Variants in PCDHA7 observed in about 807,000 individuals in gnomAD.
PCDHA7 encodes the protein protocadherin alpha 7.
A neutral mutation model predicts 57.2 loss-of-function variants in PCDHA7; 37 were observed. The ratio of observed to expected loss-of-function variants is 0.65; its 90% CI spans 0.50 to 0.85. The LOEUF is 0.85. Ranked by LOEUF, PCDHA7 falls within the 40% of genes least tolerant of loss-of-function variation. The pLI is 0.00. For missense variants in PCDHA7, 1,188 were observed against 1,241.8 expected (o/e 0.96, Z 0.65); for synonymous variants, 553 against 558.8 (o/e 0.99, Z 0.15).
At position 140,982,508 on chromosome 5, in the gene PCDHA7, G is replaced by A. The variant is rs1586930589; in HGVS notation, c.2448G>A (p.Arg816=). The change falls in exon 3 of 4, where the codon CGG becomes CGA. Residue 816 remains arginine, a synonymous_variant. Transcript: ENST00000525929. The part of the protein sequence containing the change: ...SVHLEEAGIL[R]AGPGGPDQQW... The stretch of plus-strand genomic sequence containing the variant: ...ACCTAGAGGAGGCTGGCATTCTACG[G>A]GCTGGTCCAGGAGGGCCTGATCAGC... The A allele has an allele frequency of 6.2e-7, 1 of 1,614,154 alleles. No individual in the cohort carries two copies. Among genetic ancestry groups the A allele is most frequent in the Non-Finnish European group, 8.5e-7 (1 of 1,180,018 alleles).
chr5:140,903,275 T>G (rs1313552617), intron 1 of PCDHA7, among the ~76,000 whole-genome samples: 1 of 152,210 alleles, frequency 6.6e-6, no homozygotes, highest in East Asian at 1.9e-4. Context: ...TGAGGTAGTG[T>G]CTCATTGTGC....
chr5:140,936,303 T>C (rs1223461427), intron 1 of PCDHA7, among the ~76,000 whole-genome samples: 3 of 152,236 alleles, frequency 2.0e-5, no homozygotes, highest in South Asian at 2.1e-4. Flanking sequence ...TGCTATCCAA[T>C]AGAACTTTCT....
chr5:140,848,597 C>G lies in PCDHA7; in HGVS notation c.2355+11859C>G, dbSNP rs151001396. 6,374 of 1,580,604 alleles carry G rather than the reference C, an allele frequency of 4.0e-3. 857 individuals carry two copies. Among genetic ancestry groups the G allele is most frequent in the South Asian group, 0.012 (1,061 of 88,252 alleles). On this transcript the variant is annotated intron_variant, in intron 1 of 3. Transcript: ENST00000525929. ...TGGGGAGCGGCCAGCTCCACTACTC[C>G]GTCCCGGAGGAAGCCGAACACGGCA...
chr5:140,952,743 C>T lies in PCDHA7; in HGVS notation c.2356-26206C>T, dbSNP rs146786879. Reference sequence around the variant, plus strand: ...TCTGTACTAGTCTTTTCTCACACTGCTATAAAAACACCTGAGACTGGATAA... The same window carrying T: ...TCTGTACTAGTCTTTTCTCACACTGTTATAAAAACACCTGAGACTGGATAA... On this transcript the variant is annotated intron_variant, in intron 1 of 3. Coordinates refer to ENST00000525929, the MANE Select transcript of PCDHA7 (RefSeq NM_018910.3). 8.6e-3 allele frequency among the ~76,000 whole-genome samples: 1,316 copies of T among 152,264 alleles called. 10 individuals are homozygous for T. Among genetic ancestry groups the T allele is most frequent in the Middle Eastern group, 0.014 (4 of 294 alleles).
rs145968482 is a variant in PCDHA7, at chr5:140,977,336, C to G, written c.2356-1613C>G. Among the ~76,000 whole-genome samples, 133 of 152,262 alleles carry G rather than the reference C, an allele frequency of 8.7e-4. 2 individuals carry two copies. The highest frequency in any genetic ancestry group is 3.9e-4 in the East Asian group (2 of 5,188). On this transcript the variant is annotated intron_variant, in intron 1 of 3. Coordinates refer to ENST00000525929, the MANE Select transcript of PCDHA7 (RefSeq NM_018910.3). Reference sequence around the variant, plus strand: ...GTGCTCCTGATGGCGAGGGGAGAGACGGTGATGATGACTGATTGATAAAAA... The same window carrying G: ...GTGCTCCTGATGGCGAGGGGAGAGAGGGTGATGATGACTGATTGATAAAAA...
chr5:140,873,292 T>C (rs1399834963), intron 1 of PCDHA7, among the ~76,000 whole-genome samples: 1 of 152,210 alleles, frequency 6.6e-6, no homozygotes, highest in Admixed American at 6.5e-5. Context: ...TATGAAACTT[T>C]ATAAATATAA....
intron 1 of PCDHA7, among the ~76,000 whole-genome samples, chr5:140,923,177 A>G (rs1325033307): frequency 2.0e-5 from 3 of 152,174 alleles, no homozygotes; most frequent in African/African-American, 7.2e-5. Context: ...TTTTGTTCAG[A>G]TGCATCTACT....
chr5:140,884,450 AC>A, intron 1 of PCDHA7: 1 of 1,613,762 alleles, frequency 6.2e-7, no homozygotes, highest in Non-Finnish European at 8.5e-7. Context: ...GGCACCGCCC[AC>A]CGAGGGCGCG....
chr5:140,900,143 G>C (rs1198470231), intron 1 of PCDHA7, among the ~76,000 whole-genome samples: 2 of 152,156 alleles, frequency 1.3e-5, no homozygotes, highest in African/African-American at 2.4e-5. Flanking sequence ...AAATAAGTAA[G>C]AACATACGAT....
chr5:140,856,399 T>G (rs782023286), intron 1 of PCDHA7: 1 of 1,598,492 alleles, frequency 6.3e-7, no homozygotes, highest in Non-Finnish European at 8.6e-7. Flanking sequence ...AGGTTTTCCA[T>G]GTGGACGTGG....
At chr5:140,993,031 C>T (rs186292405) in intron 3 of PCDHA7, among the ~76,000 whole-genome samples, 19 of 152,274 alleles carry the variant, frequency 1.2e-4, no homozygotes, top group Non-Finnish European at 1.8e-4. Context: ...CTGTGGGCTC[C>T]GTGTGTCATC....
At chr5:140,883,027 G>A in intron 1 of PCDHA7, 1 of 1,614,126 alleles carries the variant, frequency 6.2e-7, no homozygotes, top group Non-Finnish European at 8.5e-7. Context: ...CGGTGTTAGA[G>A]AACGCCTTCA....
At chr5:140,842,068 A>T (rs1777688396) in intron 1 of PCDHA7, 2 of 1,613,910 alleles carry the variant, frequency 1.2e-6, no homozygotes, top group African/African-American at 2.7e-5. Context: ...AATACGAAGT[A>T]AGAATATTCG....
intron 1 of PCDHA7, among the ~76,000 whole-genome samples, chr5:140,907,595 A>C (rs1278261727): frequency 6.6e-6 from 1 of 152,198 alleles, no homozygotes; most frequent in African/African-American, 2.4e-5. Flanking sequence ...GATCACCCTG[A>C]GGAATGGTGC....
chr5:140,956,464 A>C (rs1340273443), intron 1 of PCDHA7, among the ~76,000 whole-genome samples: 1 of 152,148 alleles, frequency 6.6e-6, no homozygotes, highest in Admixed American at 6.6e-5. Flanking sequence ...ATTGATTTGC[A>C]TATGTTGAAC....
intron 1 of PCDHA7, among the ~76,000 whole-genome samples, chr5:140,949,802 A>G (rs974562597): frequency 1.3e-5 from 2 of 151,818 alleles, no homozygotes; most frequent in Admixed American, 6.6e-5. Flanking sequence ...CCTTCAATAC[A>G]TTATTTGCTT....
intron 1 of PCDHA7, chr5:140,882,426 G>A (rs148335988): frequency 6.1e-5 from 99 of 1,613,954 alleles, no homozygotes; most frequent in Non-Finnish European, 7.9e-5. Context: ...CAGGACCTGG[G>A]GCTGGAGCTG....
chr5:140,875,749 G>C, intron 1 of PCDHA7: 1 of 1,614,264 alleles, frequency 6.2e-7, no homozygotes, highest in Non-Finnish European at 8.5e-7. Flanking sequence ...GATCGACCGC[G>C]AGAAGCTGTG....
At chr5:140,875,691 C>A (rs1554167867) in intron 1 of PCDHA7, 2 of 1,614,036 alleles carry the variant, frequency 1.2e-6, no homozygotes, top group South Asian at 1.1e-5. Flanking sequence ...GACACGGGGA[C>A]CTTCTGGAGG....
Sources: gnomAD v4.1 joint callset for allele counts (sites outside exome capture counted in the v4.1 genomes callset) on GRCh38, gnomAD v4.1.1 for gene constraint, MANE v1.5 for transcripts, NCBI Gene and HGNC (gene_info 2026-07-23, HGNC 2026-07-21) for gene names.